The following TENM2 variants were observed in gnomAD, a reference collection of about 807,000 sequenced individuals.
TENM2 encodes the protein teneurin transmembrane protein 2.
In TENM2, 52 loss-of-function variants were observed where a neutral mutation model predicts 245.2. The observed-to-expected ratio is 0.21, with a 90% confidence interval of 0.17 to 0.27. The LOEUF is 0.27. Among genes scored for constraint, TENM2 ranks in the 10% least tolerant of loss-of-function variants. The pLI, the probability that TENM2 is intolerant of heterozygous loss-of-function variation, is 1.00. For missense variants in TENM2, 3,046 were observed against 3,666.8 expected (o/e 0.83, Z 4.37); for synonymous variants, 1,363 against 1,438.9 (o/e 0.95, Z 1.19).
At chr5:168,099,795 A>C (rs1369757968) in intron 9 of TENM2, among the ~76,000 whole-genome samples, 1 of 152,146 alleles carries the variant, frequency 6.6e-6, no homozygotes, top group Non-Finnish European at 1.5e-5. Context: ...CTGTACTTAA[A>C]GTTCTGGGTC....
At chr5:167,098,791 G>T in the TENM2 span, among the ~76,000 whole-genome samples, 1 of 152,154 alleles carries the variant, frequency 6.6e-6, no homozygotes, top group Non-Finnish European at 1.5e-5. Flanking sequence ...CACATTGTTC[G>T]CAAACAATGC....
At position 167,429,033 on chromosome 5, in the gene TENM2, G is replaced by T. The variant is rs991750921; in HGVS notation, c.502+53560G>T. Among the ~76,000 whole-genome samples the T allele has an allele frequency of 2.0e-5, 3 of 152,046 alleles. No homozygotes were observed. The East Asian group carries it at 5.8e-4, about 29-fold the overall frequency. ...ATTCCCAGAAAGTATTTTTATACAC[G>T]TGTGTTTTTTTCTCTCTCCTGGCAA... is the stretch of plus-strand genomic sequence containing the variant. On this transcript the variant is annotated intron_variant, in intron 2 of 28. Transcript: ENST00000518659.
chr5:167,783,871 G>C (rs557037702), intron 2 of TENM2, among the ~76,000 whole-genome samples: 1 of 151,982 alleles, frequency 6.6e-6, no homozygotes, highest in Non-Finnish European at 1.5e-5. Context: ...AAGTCCCCCG[G>C]GGGGACTTGA....
At chr5:167,125,761 C>T in the TENM2 span, among the ~76,000 whole-genome samples, 1 of 152,104 alleles carries the variant, frequency 6.6e-6, no homozygotes. Context: ...CCAAGTCTGT[C>T]CTAGACCCTT....
At chr5:167,259,836 A>G in the TENM2 span, among the ~76,000 whole-genome samples, 5 of 152,202 alleles carry the variant, frequency 3.3e-5, no homozygotes, top group Non-Finnish European at 7.3e-5. Context: ...GGCTAAAGAT[A>G]GCAATATTCT....
chr5:167,646,197 T>A (rs1295574973), intron 2 of TENM2, among the ~76,000 whole-genome samples: 1 of 110,084 alleles, frequency 9.1e-6, no homozygotes, highest in African/African-American at 4.5e-5. Context: ...TATATGTTGT[T>A]TTCATATATA....
At chr5:167,727,806 C>T (rs1010650777) in intron 2 of TENM2, among the ~76,000 whole-genome samples, 2 of 152,202 alleles carry the variant, frequency 1.3e-5, no homozygotes, top group Non-Finnish European at 2.9e-5. Flanking sequence ...TGCCACACAG[C>T]TGTTAAGAAT....
At chr5:168,018,830 T>G (rs1652362482) in intron 5 of TENM2, among the ~76,000 whole-genome samples, 1 of 152,226 alleles carries the variant, frequency 6.6e-6, no homozygotes, top group African/African-American at 2.4e-5. Flanking sequence ...ACCTTAGTGA[T>G]GCAGAAATGG....
At chr5:168,012,786 A>AAC (rs951887903) in intron 5 of TENM2, among the ~76,000 whole-genome samples, 1 of 151,484 alleles carries the variant, frequency 6.6e-6, no homozygotes, top group Non-Finnish European at 1.5e-5. Flanking sequence ...AAAAAAAAAA[A>AAC]AAAAAAAAAA....
chr5:167,416,910 A>T (rs1038661172), intron 2 of TENM2, among the ~76,000 whole-genome samples: 1 of 152,150 alleles, frequency 6.6e-6, no homozygotes, highest in Non-Finnish European at 1.5e-5. Context: ...TTGTTTCGAG[A>T]TCATTCAAAT....
the TENM2 span, among the ~76,000 whole-genome samples, chr5:167,259,403 C>T: frequency 6.6e-6 from 1 of 152,098 alleles, no homozygotes; most frequent in Admixed American, 6.6e-5. Flanking sequence ...GTGTAATTTC[C>T]TAGTTTGCAT....
intron 2 of TENM2, among the ~76,000 whole-genome samples, chr5:167,835,282 A>G (rs1418686753): frequency 6.6e-6 from 1 of 152,182 alleles, no homozygotes; most frequent in African/African-American, 2.4e-5. Flanking sequence ...GGGAGAATTC[A>G]TTTATCTTTG....
At chr5:167,146,756 C>T in the TENM2 span, among the ~76,000 whole-genome samples, 2 of 152,050 alleles carry the variant, frequency 1.3e-5, no homozygotes, top group Admixed American at 6.6e-5. Context: ...ATTTTAAATC[C>T]AATCCCTCAT....
chr5:167,693,218 C>T (rs947887322), intron 2 of TENM2, among the ~76,000 whole-genome samples: 1 of 152,052 alleles, frequency 6.6e-6, no homozygotes, highest in Non-Finnish European at 1.5e-5. Flanking sequence ...ATTCCACTGC[C>T]GCAATTGCCG....
At chr5:167,092,113 GC>G in the TENM2 span, among the ~76,000 whole-genome samples, 2 of 151,998 alleles carry the variant, frequency 1.3e-5, no homozygotes, top group Non-Finnish European at 2.9e-5. Flanking sequence ...GATTTGTCCT[GC>G]CCCCTGTTTT....
chr5:168,146,808 G>A (rs1211094631), intron 12 of TENM2, among the ~76,000 whole-genome samples: 1 of 152,222 alleles, frequency 6.6e-6, no homozygotes, highest in African/African-American at 2.4e-5. Flanking sequence ...GGGCCGGTGA[G>A]TGCTAAATCC....
chr5:167,205,317 G>T, the TENM2 span, among the ~76,000 whole-genome samples: 3 of 152,160 alleles, frequency 2.0e-5, no homozygotes, highest in Non-Finnish European at 4.4e-5. Context: ...GGAGGTGGAG[G>T]TTGCAGTGAG....
At chr5:167,717,762 T>C (rs1759364920) in intron 2 of TENM2, among the ~76,000 whole-genome samples, 1 of 152,174 alleles carries the variant, frequency 6.6e-6, no homozygotes, top group Admixed American at 6.5e-5. Context: ...TGTTTTTGAA[T>C]CTGCAAAGCG....
the TENM2 span, among the ~76,000 whole-genome samples, chr5:167,219,456 T>G: frequency 6.6e-6 from 1 of 152,196 alleles, no homozygotes; most frequent in Non-Finnish European, 1.5e-5. Flanking sequence ...ATCAGACCAG[T>G]GCTAACAGGC....
Sources: allele counts gnomAD v4.1 joint callset (sites outside exome capture counted in the v4.1 genomes callset), GRCh38; gene constraint gnomAD v4.1.1; transcripts MANE v1.5; gene names NCBI Gene and HGNC (gene_info 2026-07-23, HGNC 2026-07-21).